SRGAP2: variants seen among roughly 807,000 people sequenced by gnomAD.
SRGAP2 encodes SLIT-ROBO Rho GTPase-activating protein 2.
In SRGAP2, 15 loss-of-function variants were observed where a neutral mutation model predicts 57.2. That is an observed-to-expected ratio of 0.26 (90% CI 0.18 to 0.40). SRGAP2 has a LOEUF of 0.40. Ranked by LOEUF, SRGAP2 falls within the 10% of genes least tolerant of loss-of-function variation. SRGAP2 has a pLI of 1.00. For missense variants in SRGAP2, 520 were observed against 669.6 expected (o/e 0.78, Z 2.47); for synonymous variants, 249 against 248.0 (o/e 1.00, Z -0.04).
intron 19 of SRGAP2, among the ~76,000 whole-genome samples, chr1:206,452,885 CAAAAAAA>C (rs1166978056): frequency 1.6e-5 from 1 of 62,120 alleles, no homozygotes. Context: ...GACTCCATCC[CAAAAAAA>C]AAAAAAAAAA....
chr1:206,444,979 T>C (rs890510137), intron 17 of SRGAP2, among the ~76,000 whole-genome samples: 1 of 151,828 alleles, frequency 6.6e-6, no homozygotes, highest in Non-Finnish European at 1.5e-5. Context: ...AGTCAGAGGG[T>C]AATGGGCTTT....
In SRGAP2 at chr1:206,309,029, CA is replaced by C. The variant is rs1672423252; in HGVS notation, c.260+5557del. On this transcript the variant is annotated intron_variant, in intron 3 of 22. Coordinates refer to ENST00000573034, the MANE Select transcript of SRGAP2 (RefSeq NM_015326.5). ...CTCTACAAAAAATAAAAAATTAGCTCAGCATGGTGATGCACGCCTGTAGTCC... is the reference window on the plus strand; with the variant it reads ...CTCTACAAAAAATAAAAAATTAGCTCGCATGGTGATGCACGCCTGTAGTCC... Among the ~76,000 whole-genome samples the C allele has an allele frequency of 5.0e-5, 7 of 140,948 alleles. No individual in the cohort carries two copies. In the South Asian group the frequency reaches 1.7e-3, roughly 33 times the overall value. 92.5% of individuals were successfully genotyped at this position (140,948 alleles called of 152,430 possible).
intron 3 of SRGAP2, among the ~76,000 whole-genome samples, chr1:206,310,529 A>G (rs1553323770): frequency 6.6e-6 from 1 of 152,220 alleles, no homozygotes; most frequent in African/African-American, 2.4e-5. Flanking sequence ...AGTTCAGTGA[A>G]TACCTAAAGA....
chr1:206,439,097 C>T (rs1339100019), intron 16 of SRGAP2, among the ~76,000 whole-genome samples: 1 of 152,146 alleles, frequency 6.6e-6, no homozygotes. Context: ...ACTGGGGTTG[C>T]CAAGACAGTT....
intron 10 of SRGAP2, among the ~76,000 whole-genome samples, chr1:206,410,720 G>A (rs12742430): frequency 2.6e-5 from 4 of 152,146 alleles, no homozygotes; most frequent in South Asian, 4.1e-4. Context: ...AAAGATCTGC[G>A]TCCTTTTTAA....
chr1:206,338,871 A>G (rs1454524532), intron 3 of SRGAP2, among the ~76,000 whole-genome samples: 15 of 146,554 alleles, frequency 1.0e-4, no homozygotes, highest in Non-Finnish European at 2.1e-4. Context: ...CAGTATTTTT[A>G]TTGGTATAAA....
At chr1:206,342,086 T>G (rs1471788212) in intron 3 of SRGAP2, among the ~76,000 whole-genome samples, 2 of 152,096 alleles carry the variant, frequency 1.3e-5, no homozygotes, top group African/African-American at 4.8e-5. Flanking sequence ...TCAGGTATGG[T>G]TTGTGTTCTT....
intron 2 of SRGAP2, among the ~76,000 whole-genome samples, chr1:206,272,937 A>G (rs1670210747): frequency 6.6e-6 from 1 of 152,196 alleles, no homozygotes; most frequent in South Asian, 2.1e-4. Context: ...AACATTTAAA[A>G]TAACATTTCC....
chr1:206,254,438 A>G (rs1669061254), intron 2 of SRGAP2, among the ~76,000 whole-genome samples: 1 of 141,744 alleles, frequency 7.1e-6, no homozygotes, highest in Non-Finnish European at 1.5e-5. Flanking sequence ...GTAGTGACCA[A>G]TAGTTTTTTT....
intron 17 of SRGAP2, among the ~76,000 whole-genome samples, chr1:206,443,416 C>T (rs1157774407): frequency 1.3e-5 from 2 of 152,112 alleles, no homozygotes; most frequent in East Asian, 3.9e-4. Flanking sequence ...CTCTTGTCCC[C>T]CAAGCTGGAG....
chr1:206,424,728 G>A (rs1283184084), intron 13 of SRGAP2, among the ~76,000 whole-genome samples: 1 of 152,210 alleles, frequency 6.6e-6, no homozygotes, highest in Non-Finnish European at 1.5e-5. Flanking sequence ...GCAGGTCTTC[G>A]TGGCACCACA....
rs1368754580 is a variant in SRGAP2 at position 206,329,840 on chromosome 1, A to G, written c.261-13006A>G. ...TGTCCTGGCCAGAACTTCCAACACT[A>G]TGTTGAATAGGAGTGGTGAGAGAGG... On this transcript the variant is annotated intron_variant, in intron 3 of 22. Coordinates refer to ENST00000573034, the MANE Select transcript of SRGAP2 (RefSeq NM_015326.5). Among the ~76,000 whole-genome samples, 28 of 143,360 alleles carry G rather than the reference A, an allele frequency of 2.0e-4. No homozygotes were observed. In the East Asian group the frequency reaches 5.0e-3, roughly 26 times the overall value. 94.0% of individuals were successfully genotyped at this position (143,360 alleles called of 152,430 possible).
At chr1:206,227,386 C>A in intron 2 of SRGAP2, among the ~76,000 whole-genome samples, 1 of 152,316 alleles carries the variant, frequency 6.6e-6, no homozygotes, top group East Asian at 1.9e-4. Context: ...GCTAATTTCA[C>A]AGATGTCTTC....
chr1:206,286,621 T>C (rs1350551666), intron 2 of SRGAP2, among the ~76,000 whole-genome samples: 2 of 152,034 alleles, frequency 1.3e-5, no homozygotes, highest in Non-Finnish European at 2.9e-5. Context: ...GATTTACAAG[T>C]GGCATGAAGA....
intron 2 of SRGAP2, among the ~76,000 whole-genome samples, chr1:206,253,877 G>C (rs1407428806): frequency 6.7e-6 from 1 of 149,314 alleles, no homozygotes; most frequent in Non-Finnish European, 1.5e-5. Flanking sequence ...ATAGACAAAG[G>C]CTCCATTTTC....
chr1:206,318,012 C>T (rs2102818772), intron 3 of SRGAP2, among the ~76,000 whole-genome samples: 1 of 144,762 alleles, frequency 6.9e-6, no homozygotes, highest in East Asian at 2.0e-4. Flanking sequence ...ACAGGGCATC[C>T]TTGCATGAAA....
At chr1:206,214,364 C>T (rs1311940918) in intron 2 of SRGAP2, 5 of 151,424 alleles carry the variant, frequency 3.3e-5, no homozygotes, top group African/African-American at 1.2e-4. Context: ...AAAGATGTTA[C>T]TAGTATCCCA....
chr1:206,438,259 G>A (rs145721282), intron 16 of SRGAP2, among the ~76,000 whole-genome samples, 161 bp downstream of exon 16: 3 of 152,058 alleles, frequency 2.0e-5, no homozygotes, highest in East Asian at 3.9e-4. Flanking sequence ...ATCCCCTGGT[G>A]GGAGGGGAGG....
In SRGAP2 at chr1:206,412,115, C is replaced by T. The variant is rs531232606; in HGVS notation, c.1357-3774C>T. Among the ~76,000 whole-genome samples, 5 of 152,294 alleles carry T rather than the reference C, an allele frequency of 3.3e-5. No individual in the cohort carries two copies. The South Asian group carries it at 8.3e-4, about 25-fold the overall frequency. On this transcript the variant is annotated intron_variant, in intron 10 of 22. Transcript: ENST00000573034. Reference sequence around the variant, plus strand: ...GTGGTAGGACTAGAATATTCCAACTCATGCTTTTTCATTTTAATGCAACTA... The same window carrying T: ...GTGGTAGGACTAGAATATTCCAACTTATGCTTTTTCATTTTAATGCAACTA...
Sources: allele counts gnomAD v4.1 joint callset (sites outside exome capture counted in the v4.1 genomes callset), GRCh38; gene constraint gnomAD v4.1.1; transcripts MANE v1.5; gene names NCBI Gene and HGNC (gene_info 2026-07-23, HGNC 2026-07-21).